The following SIM2 variants were observed in gnomAD, a reference collection of about 807,000 sequenced individuals.
SIM2 encodes SIM bHLH transcription factor 2.
In SIM2, 28 loss-of-function variants were observed where a neutral mutation model predicts 64.8. That is an observed-to-expected ratio of 0.43 (90% CI 0.32 to 0.59). The LOEUF (loss-of-function observed/expected upper bound fraction) is 0.59. Among genes scored for constraint, SIM2 ranks in the 20% least tolerant of loss-of-function variants. The probability of loss-of-function intolerance (pLI) is 0.07; values close to 1 mark genes in which losing one functional copy is unlikely to be tolerated. For missense variants in SIM2, 847 were observed against 871.4 expected (o/e 0.97, Z 0.35); for synonymous variants, 408 against 391.1 (o/e 1.04, Z -0.51).
chr21:36,746,597 G>A (rs140116046), intron 10 of SIM2, among the ~76,000 whole-genome samples: 1 of 152,302 alleles, frequency 6.6e-6, no homozygotes, highest in African/African-American at 2.4e-5. Flanking sequence ...TTTTTCAGAA[G>A]TAGCTAACTT....
At position 36,747,654 on chromosome 21, in the gene SIM2, T is replaced by C; in HGVS notation, c.1577-11T>C. The C allele has an allele frequency of 1.6e-6, 2 of 1,239,892 alleles. No homozygotes were observed. The highest frequency in any genetic ancestry group is 3.1e-5 in the South Asian group (1 of 31,870). 76.8% of individuals were successfully genotyped at this position (1,239,892 alleles called of 1,614,324 possible). A position where few individuals can be genotyped will look rare whatever the true frequency, so the allele number is the denominator to read the frequency against. On this transcript the variant is annotated splice_polypyrimidine_tract_variant and intron_variant, in intron 10 of 10. Coordinates refer to ENST00000290399, the MANE Select transcript of SIM2 (RefSeq NM_005069.6). The surrounding 1 kb of genome is among the most constrained non-coding windows in gnomAD (Gnocchi z 4.5). ...CCTTGCTGCCCTCTAACGTGTCGCC[T>C]GTCCCCGCAGCGCCCGCCGCCGCCG...
chr21:36,725,622 TATG>T (rs1420263709), intron 5 of SIM2, among the ~76,000 whole-genome samples: 4 of 152,284 alleles, frequency 2.6e-5, no homozygotes, highest in African/African-American at 7.2e-5. Flanking sequence ...TATATTTTAT[TATG>T]ATATTTTTTG....
At chr21:36,703,068 T>C (rs1016130817) in intron 1 of SIM2, among the ~76,000 whole-genome samples, 2 of 151,858 alleles carry the variant, frequency 1.3e-5, no homozygotes, top group East Asian at 1.9e-4. Flanking sequence ...GCAAGGGCAA[T>C]AGCAGGCCAG....
chr21:36,711,816 A>C (rs1481609737), intron 2 of SIM2, among the ~76,000 whole-genome samples: 1 of 152,110 alleles, frequency 6.6e-6, no homozygotes, highest in Admixed American at 6.5e-5. Context: ...TTACCTTTTT[A>C]TTTGTCTTAA....
At position 36,743,673 on chromosome 21, in the gene SIM2, G is replaced by A. The variant is rs558456257; in HGVS notation, c.1167+118G>A. 47 of 1,006,756 alleles carry A rather than the reference G, an allele frequency of 4.7e-5. No individual in the cohort carries two copies. In the South Asian group the frequency reaches 5.8e-4, roughly 12 times the overall value. 62.4% of individuals were successfully genotyped at this position (1,006,756 alleles called of 1,614,324 possible). A position where few individuals can be genotyped will look rare whatever the true frequency, so the allele number is the denominator to read the frequency against. ...GCACAGCAGGGATCTCCCTGCCGTG[G>A]AGCAAGGTCCCTCTGGGATGTCTTG... On this transcript the variant is annotated intron_variant, in intron 9 of 10. Coordinates refer to ENST00000290399, the MANE Select transcript of SIM2 (RefSeq NM_005069.6).
chr21:36,735,559 G>A (rs1330369879), intron 7 of SIM2, among the ~76,000 whole-genome samples: 1 of 69,468 alleles, frequency 1.4e-5, no homozygotes, highest in African/African-American at 6.3e-5. Context: ...TCCTGGCTTT[G>A]TACCAATAGC....
chr21:36,726,155 T>C lies in SIM2; in HGVS notation c.580T>C (p.Tyr194His), dbSNP rs201356831. 5.0e-6 allele frequency: 8 copies of C among 1,613,988 alleles called. No homozygotes were observed. The East Asian group carries it at 1.6e-4, about 31-fold the overall frequency. ...HCSGYLKIRQ[Y>H]MLDMSLYDSC... Reference sequence around the variant, plus strand: ...CAGTGGCTACTTGAAGATCAGGCAGTATATGCTGGACATGTCCCTGTACGA... The same window carrying C: ...CAGTGGCTACTTGAAGATCAGGCAGCATATGCTGGACATGTCCCTGTACGA... Residue 194 changes from tyrosine to histidine, a missense_variant, in exon 6 of 11, where the codon TAT becomes CAT. Coordinates refer to ENST00000290399, the MANE Select transcript of SIM2 (RefSeq NM_005069.6). The surrounding 1 kb of genome is among the most constrained non-coding windows in gnomAD (Gnocchi z 4.5).
intron 1 of SIM2, among the ~76,000 whole-genome samples, chr21:36,704,447 T>C (rs533604497): frequency 1.5e-4 from 23 of 152,324 alleles, no homozygotes; most frequent in African/African-American, 5.3e-4. Flanking sequence ...CAGCTGGGGA[T>C]CCAGGAGGGA....
At chr21:36,734,764 A>AGGGTCTTCAGAGTCG (rs2089020210) in intron 7 of SIM2, among the ~76,000 whole-genome samples, 1 of 152,180 alleles carries the variant, frequency 6.6e-6, no homozygotes. Flanking sequence ...ACTCCCAAGC[A>AGGGTCTTCAGAGTCG]GGGTCTTCAG....
chr21:36,723,893 G>A (rs989799284), intron 5 of SIM2, among the ~76,000 whole-genome samples: 2 of 152,276 alleles, frequency 1.3e-5, no homozygotes, highest in South Asian at 2.1e-4. Flanking sequence ...AGTGCCCCCC[G>A]CCAACACTTT....
At chr21:36,709,499 C>A (rs1006809064) in intron 2 of SIM2, 2 of 656,022 alleles carry the variant, frequency 3.0e-6, no homozygotes, top group Non-Finnish European at 5.6e-6. Flanking sequence ...CTCCCCAGGC[C>A]ACCTGAGACC....
In SIM2 at chr21:36,745,866, A is replaced by C. The variant is rs541656127; in HGVS notation, c.1576+730A>C. 1 of 1,302,902 alleles carries C rather than the reference A, an allele frequency of 7.7e-7. No homozygotes were observed. Among genetic ancestry groups the C allele is most frequent in the Non-Finnish European group, 1.0e-6 (1 of 988,048 alleles). 80.7% of individuals were successfully genotyped at this position (1,302,902 alleles called of 1,614,324 possible). On this transcript the variant is annotated intron_variant, in intron 10 of 10. Transcript: ENST00000290399. This position sits in a 1 kb window ranked among gnomAD's most constrained non-coding sequence, Gnocchi z 4.8. ...AGACTGACTCCTGTTTGCTCGCTGGACCAACCCCAGGCAGAAGGTGGAAGG... is the reference window on the plus strand; with the variant it reads ...AGACTGACTCCTGTTTGCTCGCTGGCCCAACCCCAGGCAGAAGGTGGAAGG...
chr21:36,728,905 C>T (rs1413993594), intron 6 of SIM2, among the ~76,000 whole-genome samples: 2 of 152,260 alleles, frequency 1.3e-5, no homozygotes, highest in African/African-American at 2.4e-5. Context: ...CTGAACTCGC[C>T]GTAACCTGAA....
At chr21:36,719,426 C>T (rs2088792025) in intron 3 of SIM2, among the ~76,000 whole-genome samples, 1 of 152,264 alleles carries the variant, frequency 6.6e-6, no homozygotes, top group South Asian at 2.1e-4. Flanking sequence ...ACCCAGTCCC[C>T]TCAGATCGCC....
At chr21:36,716,560 C>T (rs1206331802) in intron 3 of SIM2, among the ~76,000 whole-genome samples, 1 of 152,152 alleles carries the variant, frequency 6.6e-6, no homozygotes, top group Admixed American at 6.5e-5. Context: ...CCCAAACCAT[C>T]TTGTTTTAAA....
At chr21:36,719,084 A>G (rs982631570) in intron 3 of SIM2, among the ~76,000 whole-genome samples, 1 of 152,212 alleles carries the variant, frequency 6.6e-6, no homozygotes. Flanking sequence ...CAGCAACCCC[A>G]GGACATAATC....
chr21:36,726,015 T>G lies in SIM2; in HGVS notation c.544-104T>G. On this transcript the variant is annotated intron_variant, in intron 5 of 10. Coordinates refer to ENST00000290399, the MANE Select transcript of SIM2 (RefSeq NM_005069.6). The surrounding 1 kb of genome is among the most constrained non-coding windows in gnomAD (Gnocchi z 4.5). ...TTGGGCCGCACAGTGGAGTAGAGGC[T>G]GGGCTGGGAGATATTCTAGCATGTT... 1 of 928,820 alleles carries G rather than the reference T, an allele frequency of 1.1e-6. No homozygotes were observed. The highest frequency in any genetic ancestry group is 1.7e-6 in the Non-Finnish European group (1 of 590,322). 57.5% of individuals were successfully genotyped at this position (928,820 alleles called of 1,614,324 possible). A position where few individuals can be genotyped will look rare whatever the true frequency, so the allele number is the denominator to read the frequency against.
chr21:36,737,961 C>CAAAAAAAAAAAAAAAAAAAAAAAAAAA (rs61252184), intron 7 of SIM2, among the ~76,000 whole-genome samples: 6 of 34,134 alleles, frequency 1.8e-4, no homozygotes, highest in East Asian at 9.8e-4. Context: ...GACCCTGTCT[C>CAAAAAAAAAAAAAAAAAAAAAAAAAAA]AAAAAAAAAA....
rs750413729 is a variant in SIM2, at chr21:36,745,185, G to C, written c.1576+49G>C. ...AAGGTGGGAGGACTGCGCACGGCCGGGAGCCGAAGCAGCCATGGCGGTGGG... is the reference window on the plus strand; with the variant it reads ...AAGGTGGGAGGACTGCGCACGGCCGCGAGCCGAAGCAGCCATGGCGGTGGG... On this transcript the variant is annotated intron_variant, in intron 10 of 10. Coordinates refer to ENST00000290399, the MANE Select transcript of SIM2 (RefSeq NM_005069.6). This position sits in a 1 kb window ranked among gnomAD's most constrained non-coding sequence, Gnocchi z 4.8. 1.9e-6 allele frequency: 3 copies of C among 1,561,528 alleles called. No homozygotes were observed. Among genetic ancestry groups the C allele is most frequent in the Non-Finnish European group, 2.6e-6 (3 of 1,153,304 alleles).
Sources: allele counts gnomAD v4.1 joint callset (sites outside exome capture counted in the v4.1 genomes callset), GRCh38; gene constraint gnomAD v4.1.1; non-coding constraint Gnocchi (gnomAD v3.1); transcripts MANE v1.5; gene names NCBI Gene and HGNC (gene_info 2026-07-23, HGNC 2026-07-21).